SOS1: variants seen among roughly 807,000 people sequenced by gnomAD.
SOS1 encodes the protein SOS Ras/Rac guanine nucleotide exchange factor 1, also known as son of sevenless homolog 1.
In SOS1, 25 loss-of-function variants were observed where a neutral mutation model predicts 157.6. That is an observed-to-expected ratio of 0.16 (90% CI 0.12 to 0.22). The LOEUF (loss-of-function observed/expected upper bound fraction) is 0.22. Ranked by LOEUF, SOS1 falls within the 10% of genes least tolerant of loss-of-function variation. SOS1 has a pLI of 1.00. For synonymous variants in SOS1, 528 were observed against 534.0 expected, an observed-to-expected ratio of 0.99 and a Z score of 0.16; for missense variants, 1,237 against 1,599.1, an observed-to-expected ratio of 0.77 and a Z score of 3.86.
chr2:39,045,243 G>GGAGAGGGAGAGGGAGA (rs1431547167), intron 6 of SOS1, among the ~76,000 whole-genome samples: 2 of 83,316 alleles, frequency 2.4e-5, no homozygotes, highest in Non-Finnish European at 4.7e-5. Context: ...AGAGAGAGAG[G>GGAGAGGGAGAGGGAGA]GAGAGAGAGA....
At chr2:38,997,871 T>G (rs1440315722) in intron 17 of SOS1, among the ~76,000 whole-genome samples, 1 of 152,164 alleles carries the variant, frequency 6.6e-6, no homozygotes, top group East Asian at 1.9e-4. Context: ...TGACACATCA[T>G]TTTTGGCAAA....
At chr2:39,044,010 T>G (rs1006598668) in intron 6 of SOS1, among the ~76,000 whole-genome samples, 4 of 152,246 alleles carry the variant, frequency 2.6e-5, no homozygotes, top group Non-Finnish European at 5.9e-5. Flanking sequence ...TTTTAAAGGT[T>G]ATTTCATTAC....
intron 1 of SOS1, among the ~76,000 whole-genome samples, chr2:39,093,821 C>T (rs1376228342): frequency 7.2e-5 from 11 of 152,178 alleles, no homozygotes; most frequent in Admixed American, 7.2e-4. Context: ...TAAAAGGATA[C>T]ATTGCTACTT....
intron 1 of SOS1, among the ~76,000 whole-genome samples, chr2:39,114,244 T>C (rs922202541): frequency 3.3e-5 from 5 of 151,888 alleles, no homozygotes; most frequent in East Asian, 1.9e-4. Flanking sequence ...CACAGGTGCG[T>C]GCCACCAAGC....
chr2:39,010,923 T>A (rs1188732261), intron 14 of SOS1, among the ~76,000 whole-genome samples: 2 of 136,178 alleles, frequency 1.5e-5, no homozygotes, highest in African/African-American at 2.7e-5. Flanking sequence ...GAGATGGAGT[T>A]CCACTCTTGT....
chr2:39,059,539 C>T (rs952785481), intron 2 of SOS1, among the ~76,000 whole-genome samples: 1 of 152,154 alleles, frequency 6.6e-6, no homozygotes, highest in Non-Finnish European at 1.5e-5. Context: ...GATACCATAA[C>T]TAAAACCAGT....
intron 8 of SOS1, among the ~76,000 whole-genome samples, chr2:39,031,170 A>G (rs1670146639): frequency 6.6e-6 from 1 of 152,188 alleles, no homozygotes; most frequent in Non-Finnish European, 1.5e-5. Context: ...TAGGAAACCA[A>G]ATACACTCAT....
Position 39,013,466 on chromosome 2 carries a change from C to A in SOS1, c.2161G>T (p.Val721Leu), listed in dbSNP as rs771185398. 6.3e-7 allele frequency: 1 copy of A among 1,592,350 alleles called. No individual in the cohort carries two copies. Among genetic ancestry groups the A allele is most frequent in the Middle Eastern group, 1.7e-4 (1 of 6,008 alleles). Residue 721 changes from valine to leucine, a missense_variant, in exon 13 of 23, where the codon GTA (valine) becomes TTA (leucine). Transcript: ENST00000402219. ...CCTAAAAAAAAAAACATACCTCTTACTGTTCCAATAAATTCTTCCATTCGT... is the reference window on the plus strand; with the variant it reads ...CCTAAAAAAAAAAACATACCTCTTAATGTTCCAATAAATTCTTCCATTCGT... ...LQRMEEFIGT[V>L]RGKAMKKWVE...
At chr2:39,058,027 T>G (rs965786995) in intron 3 of SOS1, among the ~76,000 whole-genome samples, 4 of 152,114 alleles carry the variant, frequency 2.6e-5, no homozygotes, top group African/African-American at 9.6e-5. Context: ...ATACAAGTAT[T>G]AGCATTTTGT....
chr2:39,020,677 A>G (rs972489764), intron 10 of SOS1, among the ~76,000 whole-genome samples: 3 of 151,714 alleles, frequency 2.0e-5, no homozygotes, highest in Non-Finnish European at 3.0e-5. Flanking sequence ...CAGTTTTACA[A>G]GTTCACAGAT....
At chr2:39,094,652 CAAAT>C (rs55772987) in intron 1 of SOS1, among the ~76,000 whole-genome samples, 120,167 of 150,860 alleles carry the variant, frequency 0.8, 49,950 homozygotes, top group Non-Finnish European at 0.91. Flanking sequence ...GACTCGGTCT[CAAAT>C]AAATAAATAA....
intron 1 of SOS1, among the ~76,000 whole-genome samples, chr2:39,120,086 T>C (rs1156878863): frequency 6.6e-6 from 1 of 152,048 alleles, no homozygotes; most frequent in African/African-American, 2.4e-5. Flanking sequence ...GGGCAAAGCA[T>C]TCACCTCTCA....
chr2:38,991,417 G>A (rs1290483464), intron 20 of SOS1, among the ~76,000 whole-genome samples: 1 of 152,178 alleles, frequency 6.6e-6, no homozygotes, highest in Non-Finnish European at 1.5e-5. Context: ...AAATGGAGAA[G>A]TCAGACCTCT....
chr2:39,077,525 C>G (rs748002578), intron 1 of SOS1, among the ~76,000 whole-genome samples: 1 of 151,926 alleles, frequency 6.6e-6, no homozygotes, highest in East Asian at 1.9e-4. Context: ...TTTAGAAGAG[C>G]CAAGAACAAC....
intron 17 of SOS1, among the ~76,000 whole-genome samples, chr2:39,005,880 C>T (rs774400965): frequency 2.6e-5 from 4 of 151,612 alleles, no homozygotes; most frequent in African/African-American, 9.7e-5. Flanking sequence ...AAATAAAGAA[C>T]GGAAAAAGAT....
chr2:39,012,794 T>A (rs1295281483), intron 13 of SOS1, among the ~76,000 whole-genome samples: 1 of 152,184 alleles, frequency 6.6e-6, no homozygotes, highest in Non-Finnish European at 1.5e-5. Flanking sequence ...AGAGGACTGA[T>A]TCCTTAGTGT....
chr2:39,021,757 C>T (rs190472436), intron 10 of SOS1, among the ~76,000 whole-genome samples: 129 of 151,650 alleles, frequency 8.5e-4, no homozygotes, highest in African/African-American at 3.1e-3. Flanking sequence ...CCTTAAAAAT[C>T]TCTTAAGCAG....
chr2:39,094,695 G>T lies in SOS1; in HGVS notation c.87+25641C>A, dbSNP rs1033055305. Among the ~76,000 whole-genome samples, 3 of 151,020 alleles carry T rather than the reference G, an allele frequency of 2.0e-5. No homozygotes were observed. The South Asian group carries it at 6.3e-4, about 31-fold the overall frequency. On this transcript the variant is annotated intron_variant, in intron 1 of 22. Transcript: ENST00000402219. ...AATAAATAAATAAAGACTGTGAGGG[G>T]GTTCTGAGACCGAAAAACTTGAGAA...
At position 39,120,645 on chromosome 2, in the gene SOS1, G is replaced by A; in HGVS notation, c.-223C>T. ...CAGGTACCAGCCGTGGAGAACGGAC[G>A]CGGCCCGGAGGCGGCGGCATCCCGC... On this transcript the variant is annotated 5_prime_UTR_variant, in exon 1 of 23. Transcript: ENST00000402219. The A allele has an allele frequency of 7.4e-6, 2 of 269,648 alleles. No individual in the cohort carries two copies. Among genetic ancestry groups the A allele is most frequent in the Non-Finnish European group, 1.1e-5 (2 of 178,084 alleles). The allele number at this position is 269,648 out of a possible 1,614,324, so 16.7% of individuals were successfully genotyped here. A position where few individuals can be genotyped will look rare whatever the true frequency, so the allele number is the denominator to read the frequency against.
Sources: gnomAD v4.1 joint callset for allele counts (sites outside exome capture counted in the v4.1 genomes callset) on GRCh38, gnomAD v4.1.1 for gene constraint, MANE v1.5 for transcripts, NCBI Gene and HGNC (gene_info 2026-07-23, HGNC 2026-07-21) for gene names.